The following ABCA1 variants were observed in gnomAD, a reference collection of about 807,000 sequenced individuals.
The protein encoded by ABCA1 is phospholipid-transporting ATPase ABCA1.
ABCA1 carries 133 observed loss-of-function variants against 262.5 expected under a neutral mutation model. That is an observed-to-expected ratio of 0.51 (90% CI 0.44 to 0.59). The LOEUF is 0.59. Among genes scored for constraint, ABCA1 ranks in the 20% least tolerant of loss-of-function variants. ABCA1 has a pLI of 0.00. For synonymous variants in ABCA1, 1,022 were observed against 1,043.5 expected (o/e 0.98, Z 0.40); for missense variants, 2,452 against 2,777.5 (o/e 0.88, Z 2.63).
chr9:104,890,653 C>T (rs965337727), intron 2 of ABCA1, among the ~76,000 whole-genome samples: 1 of 151,326 alleles, frequency 6.6e-6, no homozygotes, highest in African/African-American at 2.4e-5. Flanking sequence ...CCAGGCGGTA[C>T]GATCCGGAGA....
chr9:104,902,326 T>G (rs1233137838), intron 2 of ABCA1, among the ~76,000 whole-genome samples: 1 of 152,196 alleles, frequency 6.6e-6, no homozygotes, highest in African/African-American at 2.4e-5. Flanking sequence ...TGTAGCAAAC[T>G]CATGAGGATG....
At chr9:104,879,097 A>G (rs1049108139) in intron 5 of ABCA1, among the ~76,000 whole-genome samples, 26 of 152,068 alleles carry the variant, frequency 1.7e-4, no homozygotes, top group African/African-American at 6.3e-4. Context: ...AAAGAAAAGA[A>G]AAGAAAAAGG....
chr9:104,823,058 C>A, intron 18 of ABCA1, among the ~76,000 whole-genome samples: 1 of 146,288 alleles, frequency 6.8e-6, no homozygotes, highest in African/African-American at 2.6e-5. Flanking sequence ...GGGAATACTG[C>A]TGAGTGAAAA....
rs1830769143 is a variant in ABCA1, at chr9:104,806,410, C to T, written c.4295G>A (p.Gly1432Glu). ...TGGGGCAGTGGTCCACTCTTCCTCC[C>T]CTGCCTGGCAGGGCGTGTCTCTGCA... ...NPIPDTPCQA[G>E]EEEWTTAPVP... The change falls in exon 31 of 50, where the codon GGG (glycine) becomes GAG (glutamate). Residue 1432 changes from glycine (G) to glutamate (E), a missense_variant. By Grantham distance (98) the Gly-to-Glu change is moderately conservative. Coordinates refer to ENST00000374736, the MANE Select transcript of ABCA1 (RefSeq NM_005502.4). The T allele has an allele frequency of 1.2e-6, 2 of 1,614,044 alleles. No homozygotes were observed. The highest frequency in any genetic ancestry group is 1.7e-6 in the Non-Finnish European group (2 of 1,180,036).
At position 104,783,867 on chromosome 9, in the gene ABCA1, C is replaced by G. The variant is rs542665134; in HGVS notation, c.*448G>C. ...AGCAATGGATGTGTCACCGGGAAAC[C>G]AGTCTCCTGGGCATGGCATGGCTTA... On this transcript the variant is annotated 3_prime_UTR_variant, in exon 50 of 50. Transcript: ENST00000374736. The G allele has an allele frequency of 4.1e-5, 7 of 169,450 alleles. No individual in the cohort carries two copies. The highest frequency in any genetic ancestry group is 1.7e-4 in the African/African-American group (7 of 41,678). The allele number at this position is 169,450 out of a possible 1,614,324, so 10.5% of individuals were successfully genotyped here.
chr9:104,838,436 C>T (rs1380906208), intron 9 of ABCA1, among the ~76,000 whole-genome samples: 3 of 147,642 alleles, frequency 2.0e-5, no homozygotes, highest in South Asian at 2.1e-4. Context: ...AGTGAAACCC[C>T]GTCTCTACTC....
chr9:104,916,913 A>G (rs1841880619), intron 1 of ABCA1, among the ~76,000 whole-genome samples: 2 of 152,172 alleles, frequency 1.3e-5, no homozygotes, highest in Non-Finnish European at 2.9e-5. Flanking sequence ...ACTGTTTGGG[A>G]CTTGGGTATT....
At chr9:104,913,043 T>A (rs1841596365) in intron 1 of ABCA1, among the ~76,000 whole-genome samples, 1 of 152,208 alleles carries the variant, frequency 6.6e-6, no homozygotes, top group Non-Finnish European at 1.5e-5. Context: ...TTAGTGACCA[T>A]ATCACCAAAG....
At chr9:104,925,435 G>A (rs983379238) in intron 1 of ABCA1, among the ~76,000 whole-genome samples, 1 of 151,698 alleles carries the variant, frequency 6.6e-6, no homozygotes, top group African/African-American at 2.4e-5. Flanking sequence ...AAATACGAGG[G>A]TTGAGATTTC....
At chr9:104,890,211 C>T (rs111295834) in intron 2 of ABCA1, among the ~76,000 whole-genome samples, 2,977 of 152,310 alleles carry the variant, frequency 0.02, 115 homozygotes, top group African/African-American at 0.069. Context: ...TTATAACTTA[C>T]AACTGTGGCT....
Position 104,826,960 on chromosome 9 carries a change from G to C in ABCA1, c.2325C>G (p.Leu775=), listed in dbSNP as rs1443950835. Residue 775 remains leucine, a synonymous_variant, in exon 16 of 50, where the codon CTC becomes CTG. Transcript: ENST00000374736. Reference sequence around the variant, plus strand: ...CAGAGGTACTCACAGCGAAGATCTTGAGTGTGAAGCCCACGTAGTCCTGCC... The same window carrying C: ...CAGAGGTACTCACAGCGAAGATCTTCAGTGTGAAGCCCACGTAGTCCTGCC... The part of the protein sequence containing the change: ...VAWQDYVGFT[L]KIFASLLSPV... 5 of 1,613,806 alleles carry C rather than the reference G, an allele frequency of 3.1e-6. No individual in the cohort carries two copies. The highest frequency in any genetic ancestry group is 1.7e-5 in the Admixed American group (1 of 60,006).
chr9:104,925,875 C>A (rs1826283976), intron 1 of ABCA1, among the ~76,000 whole-genome samples: 1 of 152,064 alleles, frequency 6.6e-6, no homozygotes, highest in Non-Finnish European at 1.5e-5. Context: ...CGGAAAGTTT[C>A]TCAACAGAAA....
intron 34 of ABCA1, among the ~76,000 whole-genome samples, chr9:104,801,259 G>A (rs1013663630): frequency 5.9e-5 from 9 of 151,982 alleles, no homozygotes; most frequent in South Asian, 2.1e-4. Flanking sequence ...TTGCTCTGTC[G>A]CCCAGGCTGG....
In ABCA1 at chr9:104,785,333, G is replaced by T; in HGVS notation, c.6645+63C>A. 4 of 1,601,764 alleles carry T rather than the reference G, an allele frequency of 2.5e-6. No individual in the cohort carries two copies. The Admixed American group carries it at 5.0e-5, about 20-fold the overall frequency. Reference sequence around the variant, plus strand: ...ACAAACTGCTCTTGGACCTATGGGCGGGAGTGTCGGGGCAGGAATCCACAC... The same window carrying T: ...ACAAACTGCTCTTGGACCTATGGGCTGGAGTGTCGGGGCAGGAATCCACAC... On this transcript the variant is annotated intron_variant, in intron 49 of 49. Coordinates refer to ENST00000374736, the MANE Select transcript of ABCA1 (RefSeq NM_005502.4).
intron 5 of ABCA1, 121 bp downstream of exon 5, chr9:104,882,918 A>G (rs2119172167): frequency 5.8e-6 from 6 of 1,034,206 alleles, no homozygotes; most frequent in South Asian, 3.8e-5. Context: ...CCAGCCACCA[A>G]GGAGAAAAAC....
chr9:104,827,310 G>A, intron 15 of ABCA1, 141 bp from the exon 16 acceptor site: 1 of 756,780 alleles, frequency 1.3e-6, no homozygotes, highest in Non-Finnish European at 2.3e-6. Flanking sequence ...TCTTTCTGAT[G>A]AGGCAACTGA....
At position 104,845,540 on chromosome 9, in the gene ABCA1, C is replaced by T. The variant is rs1198231044; in HGVS notation, c.750G>A (p.Pro250=). The T allele has an allele frequency of 6.2e-7, 1 of 1,613,856 alleles. No homozygotes were observed. The highest frequency in any genetic ancestry group is 8.5e-7 in the Non-Finnish European group (1 of 1,179,848). ...TTGTGGCTTCAGCCAGCTCCTTGCT[C>T]GGGAAGGGAGATGTAGAGTTTAGTG... The part of the protein sequence containing the change: ...LRTLNSTSPF[P]SKELAEATKT... The change falls in exon 8 of 50, where the codon CCG becomes CCA. Residue 250 remains proline (P), a synonymous_variant. Coordinates refer to ENST00000374736, the MANE Select transcript of ABCA1 (RefSeq NM_005502.4).
chr9:104,853,566 T>C (rs1050990250), intron 7 of ABCA1, among the ~76,000 whole-genome samples: 1 of 152,214 alleles, frequency 6.6e-6, no homozygotes, highest in Non-Finnish European at 1.5e-5. Flanking sequence ...AACTGCCTTG[T>C]TGGTGGTCGA....
chr9:104,802,070 T>C lies in ABCA1; in HGVS notation c.4682A>G (p.His1561Arg). Residue 1561 changes from histidine (H) to arginine (R), a missense_variant, in exon 34 of 50, where the codon CAC becomes CGC. Physicochemically the swap from His to Arg is conservative, Grantham distance 29. This residue lies in a region of ABCA1 where 752 missense variants were observed against 944.5 expected (regional missense o/e 0.80). Transcript: ENST00000374736. Reference sequence around the variant, plus strand: ...ATATTTTACCTTGGCCAGCTTTAGGTGTTTCTTCATTTGTTTGATGGCATC... The same window carrying C: ...ATATTTTACCTTGGCCAGCTTTAGGCGTTTCTTCATTTGTTTGATGGCATC... ...VNDAIKQMKKHLKLAKDSSAD... is the reference protein window; with the variant it reads ...VNDAIKQMKKRLKLAKDSSAD... 6.2e-7 allele frequency: 1 copy of C among 1,614,144 alleles called. No individual in the cohort carries two copies. Among genetic ancestry groups the C allele is most frequent in the East Asian group, 2.2e-5 (1 of 44,882 alleles).
Sources: gnomAD v4.1 joint callset for allele counts (sites outside exome capture counted in the v4.1 genomes callset) on GRCh38, gnomAD v4.1.1 for gene constraint, gnomAD v4.1.1 regional missense constraint, MANE v1.5 for transcripts, NCBI Gene and HGNC (gene_info 2026-07-23, HGNC 2026-07-21) for gene names.